SPARCL1: variants seen among roughly 807,000 people sequenced by gnomAD.
SPARCL1 encodes the protein SPARC-like protein 1.
Under a neutral mutation model 67.1 loss-of-function variants are expected in SPARCL1, and 52 were observed. That is an observed-to-expected ratio of 0.78 (90% CI 0.62 to 0.98). The LOEUF is 0.98. Among genes scored for constraint, SPARCL1 ranks in the 50% least tolerant of loss-of-function variants. The pLI is 0.00. For synonymous variants in SPARCL1, 226 were observed against 267.8 expected, an observed-to-expected ratio of 0.84 and a Z score of 1.52; for missense variants, 717 against 782.4, an observed-to-expected ratio of 0.92 and a Z score of 1.00.
At chr4:87,517,701 G>A (rs192374779) in intron 1 of SPARCL1, among the ~76,000 whole-genome samples, 78 of 152,306 alleles carry the variant, frequency 5.1e-4, no homozygotes, top group South Asian at 3.9e-3. Flanking sequence ...AGTGGAAATT[G>A]CCTCTCTTTT....
chr4:87,511,967 C>CTTTTTTTTTTT (rs3037337), intron 1 of SPARCL1, among the ~76,000 whole-genome samples: 4 of 121,544 alleles, frequency 3.3e-5, no homozygotes, highest in South Asian at 2.8e-4. Context: ...CTTTCTTTCT[C>CTTTTTTTTTTT]TTTTTTTTTT....
At chr4:87,493,541 T>A in intron 4 of SPARCL1, 41 bp downstream of exon 4, 3 of 1,542,242 alleles carry the variant, frequency 1.9e-6, no homozygotes, top group Non-Finnish European at 2.6e-6. Flanking sequence ...TTATTGATAA[T>A]GCTGGCTTTA....
At chr4:87,484,853 T>A (rs1243605367) in intron 7 of SPARCL1, among the ~76,000 whole-genome samples, 1 of 152,192 alleles carries the variant, frequency 6.6e-6, no homozygotes, top group Non-Finnish European at 1.5e-5. Context: ...CACTTATGAT[T>A]TGGCTCTCTG....
intron 4 of SPARCL1, among the ~76,000 whole-genome samples, chr4:87,492,563 T>C (rs2110227142): frequency 6.6e-6 from 1 of 152,270 alleles, no homozygotes; most frequent in South Asian, 2.1e-4. Flanking sequence ...AGACTTGGAG[T>C]CTCCTCTTTG....
At chr4:87,479,906 T>G (rs1404971523) in intron 9 of SPARCL1, among the ~76,000 whole-genome samples, 1 of 152,144 alleles carries the variant, frequency 6.6e-6, no homozygotes, top group Non-Finnish European at 1.5e-5. Flanking sequence ...TTGACCCACA[T>G]TGGGCCAATC....
intron 1 of SPARCL1, among the ~76,000 whole-genome samples, chr4:87,524,261 G>T (rs999269547): frequency 6.6e-6 from 1 of 151,956 alleles, no homozygotes; most frequent in African/African-American, 2.4e-5. Flanking sequence ...AAATCAAATG[G>T]TTCACATTTA....
chr4:87,488,984 GGCA>G (rs1402747028), intron 7 of SPARCL1, among the ~76,000 whole-genome samples: 2 of 152,184 alleles, frequency 1.3e-5, no homozygotes, highest in Non-Finnish European at 2.9e-5. Flanking sequence ...CTGCTGTGCT[GGCA>G]GCAAGAATTT....
At chr4:87,491,948 C>A (rs879301953) in intron 4 of SPARCL1, among the ~76,000 whole-genome samples, 30,524 of 109,578 alleles carry the variant, frequency 0.28, 5,611 homozygotes, top group African/African-American at 0.51. Flanking sequence ...CTACCCACCC[C>A]CCCCCCCAAA....
chr4:87,490,455 C>A, intron 6 of SPARCL1, 62 bp from the exon 7 acceptor site: 1 of 1,540,728 alleles, frequency 6.5e-7, no homozygotes, highest in South Asian at 1.3e-5. Flanking sequence ...AGACACTCTG[C>A]TCCTTAAAGC....
chr4:87,490,678 G>T, intron 6 of SPARCL1, 82 bp downstream of exon 6: 2 of 1,008,386 alleles, frequency 2.0e-6, no homozygotes, highest in Non-Finnish European at 1.5e-6. Flanking sequence ...CCTTTTTTAA[G>T]CAAAAATTTC....
At chr4:87,502,247 G>A (rs115993833) in intron 1 of SPARCL1, among the ~76,000 whole-genome samples, 6,268 of 152,164 alleles carry the variant, frequency 0.041, 173 homozygotes, top group Non-Finnish European at 0.067. Flanking sequence ...ATCAGATAAG[G>A]ATAATTTGCA....
chr4:87,510,634 G>C (rs959301479), intron 1 of SPARCL1, among the ~76,000 whole-genome samples: 13 of 151,656 alleles, frequency 8.6e-5, no homozygotes, highest in African/African-American at 3.2e-4. Context: ...AGCCGCTTTC[G>C]TCACTGAAAA....
intron 7 of SPARCL1, among the ~76,000 whole-genome samples, chr4:87,483,781 C>T (rs1723933701): frequency 6.6e-6 from 1 of 152,208 alleles, no homozygotes; most frequent in Non-Finnish European, 1.5e-5. Flanking sequence ...GCCATTCTAA[C>T]TGGTGAGAGA....
At chr4:87,510,938 T>C (rs574021441) in intron 1 of SPARCL1, among the ~76,000 whole-genome samples, 3 of 152,340 alleles carry the variant, frequency 2.0e-5, no homozygotes, top group Admixed American at 6.5e-5. Context: ...CACATGGAGT[T>C]TGCTCCTGCT....
chr4:87,494,408 T>C lies in SPARCL1; in HGVS notation c.392A>G (p.Glu131Gly), dbSNP rs775389525. 6.2e-7 allele frequency: 1 copy of C among 1,614,194 alleles called. No homozygotes were observed. The highest frequency in any genetic ancestry group is 2.2e-5 in the East Asian group (1 of 44,876). Residue 131 changes from glutamate (E) to glycine (G), a missense_variant, in exon 4 of 11, where the codon GAG becomes GGG. Physicochemically the swap from Glu to Gly is moderately conservative, Grantham distance 98 (BLOSUM62 -2). Transcript: ENST00000282470. The stretch of plus-strand genomic sequence containing the variant: ...ATCAGTGTTCTCTGAGAGTTTTTTC[T>C]CCTGAGGCTCACTCATATCTTCTTT... Reference protein sequence around the residue: ...DIKEDMSEPQEKKLSENTDFL... With the variant: ...DIKEDMSEPQGKKLSENTDFL...
chr4:87,485,693 C>T (rs1353850504), intron 7 of SPARCL1, among the ~76,000 whole-genome samples: 1 of 152,092 alleles, frequency 6.6e-6, no homozygotes, highest in African/African-American at 2.4e-5. Flanking sequence ...TCTGTCTGGT[C>T]CCCAGCTTTT....
intron 1 of SPARCL1, among the ~76,000 whole-genome samples, chr4:87,516,584 A>C (rs1191969479): frequency 6.6e-6 from 1 of 151,834 alleles, no homozygotes; most frequent in Non-Finnish European, 1.5e-5. Flanking sequence ...TGTGACCCTC[A>C]CCTCCATTTC....
intron 1 of SPARCL1, among the ~76,000 whole-genome samples, chr4:87,501,801 AT>A (rs1192056830): frequency 6.6e-6 from 1 of 151,848 alleles, no homozygotes; most frequent in Non-Finnish European, 1.5e-5. Context: ...TTCCTTAATG[AT>A]TTTTGCCCTT....
At chr4:87,526,127 C>T (rs942683205) in intron 1 of SPARCL1, among the ~76,000 whole-genome samples, 3 of 152,128 alleles carry the variant, frequency 2.0e-5, no homozygotes, top group Non-Finnish European at 2.9e-5. Flanking sequence ...AGCATTTCTT[C>T]TCACTCTGTG....
Sources: allele counts gnomAD v4.1 joint callset (sites outside exome capture counted in the v4.1 genomes callset), GRCh38; gene constraint gnomAD v4.1.1; transcripts MANE v1.5; gene names NCBI Gene and HGNC (gene_info 2026-07-23, HGNC 2026-07-21).